Variants in SAMD7 observed in about 807,000 individuals in gnomAD.
The protein encoded by SAMD7 is sterile alpha motif domain-containing protein 7.
SAMD7 carries 34 observed loss-of-function variants against 36.7 expected under a neutral mutation model. The observed-to-expected ratio is 0.93, with a 90% confidence interval of 0.71 to 1.23. The LOEUF (loss-of-function observed/expected upper bound fraction) is 1.23. SAMD7 is among the 50% of genes most tolerant of loss of function. The pLI is 0.00. For synonymous variants in SAMD7, 188 were observed against 189.7 expected, an observed-to-expected ratio of 0.99 and a Z score of 0.07; for missense variants, 570 against 546.6, an observed-to-expected ratio of 1.04 and a Z score of -0.43.
chr3:169,926,823 T>C lies in SAMD7; in HGVS notation c.561T>C (p.Asn187=), dbSNP rs751662393. The change falls in exon 6 of 9, where the codon AAT becomes AAC. Residue 187 remains asparagine, a synonymous_variant. Coordinates refer to ENST00000335556, the MANE Select transcript of SAMD7 (RefSeq NM_001304366.2). ...AGAGATGTCGTCGACTCAGGAAAAA[T>C]ACAGGGAATCAAAAAGCTCTAGACA... The part of the protein sequence containing the change: ...WGQRCRRLRK[N]TGNQKALDSD... The C allele has an allele frequency of 1.2e-6, 2 of 1,613,224 alleles. No individual in the cohort carries two copies. Among genetic ancestry groups the C allele is most frequent in the Admixed American group, 3.3e-5 (2 of 59,898 alleles).
intron 6 of SAMD7, 100 bp downstream of exon 6, chr3:169,927,281 CTTTCTT>C: frequency 1.3e-5 from 3 of 225,332 alleles, no homozygotes; most frequent in Non-Finnish European, 2.3e-5. Context: ...CTCTTTTTAT[CTTTCTT>C]TTTTTTTTTT....
In SAMD7 at chr3:169,921,323, A is replaced by G; in HGVS notation, c.196A>G (p.Ser66Gly). Reference protein sequence around the residue: ...PNTNMANVLSSRIYPGWGILP... With the variant: ...PNTNMANVLSGRIYPGWGILP... ...CACAAATATGGCAAATGTGTTGTCC[A>G]GTCGGATCTACCCAGGTATGAGCAA... The change falls in exon 4 of 9, where the codon AGT becomes GGT. Residue 66 changes from serine to glycine, a missense_variant. Transcript: ENST00000335556. 1 of 1,614,164 alleles carries G rather than the reference A, an allele frequency of 6.2e-7. No homozygotes were observed. Among genetic ancestry groups the G allele is most frequent in the South Asian group, 1.1e-5 (1 of 91,080 alleles).
intron 1 of SAMD7, among the ~76,000 whole-genome samples, chr3:169,912,203 T>C (rs192725487): frequency 1.1e-4 from 16 of 152,312 alleles, no homozygotes; most frequent in Admixed American, 9.2e-4. Context: ...TTATTTACTA[T>C]ATATTATTAT....
Position 169,916,287 on chromosome 3 carries a change from T to C in SAMD7, c.-42+846T>C, listed in dbSNP as rs575926729. On this transcript the variant is annotated intron_variant, in intron 2 of 8. Transcript: ENST00000335556. ...CTAGGGGGTGATGGAAGTGGAGAAC[T>C]GTTGTCCAATGGATAAAGTTTCTTT... 2.0e-5 allele frequency among the ~76,000 whole-genome samples: 3 copies of C among 152,282 alleles called. No individual in the cohort carries two copies. The South Asian group carries it at 6.2e-4, about 32-fold the overall frequency.
intron 7 of SAMD7, among the ~76,000 whole-genome samples, chr3:169,934,457 A>C (rs565498450): frequency 4.0e-4 from 61 of 152,328 alleles, no homozygotes; most frequent in African/African-American, 1.4e-3. Context: ...AAGAACAAAA[A>C]ATCAGATGAT....
intron 7 of SAMD7, chr3:169,932,527 A>G: frequency 9.0e-6 from 5 of 555,896 alleles, no homozygotes. Context: ...ATCTTCAGAC[A>G]GAGATCAAGC....
chr3:169,919,342 GCT>G, intron 2 of SAMD7, 114 bp from the exon 3 acceptor site: 3 of 629,592 alleles, frequency 4.8e-6, no homozygotes, highest in Admixed American at 2.8e-5. Context: ...GCTTGGTGTA[GCT>G]AGTCTTCCCA....
chr3:169,932,020 T>C (rs1713514399), intron 7 of SAMD7: 1 of 722,610 alleles, frequency 1.4e-6, no homozygotes, highest in Non-Finnish European at 2.1e-6. Context: ...CAGCGAGTCA[T>C]GCTGTTAGCA....
rs1713357134 is a variant in SAMD7 at position 169,928,350 on chromosome 3, G to A, written c.920-107G>A. The A allele has an allele frequency of 4.9e-6, 4 of 812,704 alleles. No homozygotes were observed. In the South Asian group the frequency reaches 7.9e-5, roughly 16 times the overall value. The allele number at this position is 812,704 out of a possible 1,614,324, so 50.3% of individuals were successfully genotyped here. ...CTAGTAATTCCTAATATCTTGTAAG[G>A]CGTTTGCAAATCAAGACCACTCTGG... On this transcript the variant is annotated intron_variant, in intron 6 of 8. Transcript: ENST00000335556.
chr3:169,919,575 C>T lies in SAMD7; in HGVS notation c.77C>T (p.Thr26Ile). The change falls in exon 3 of 9, where the codon ACT (threonine) becomes ATT (isoleucine). Residue 26 changes from threonine to isoleucine, a missense_variant. By Grantham distance (89) the Thr-to-Ile change is moderately conservative. Transcript: ENST00000335556. ...PLIPSPFGPPTVDRDVLPSTV... is the reference protein window; with the variant it reads ...PLIPSPFGPPIVDRDVLPSTV... ...ATCCCCTCACCATTTGGGCCTCCAA[C>T]TGTGGACAGGTATTTCTCTTCAATA... 4 of 1,610,612 alleles carry T rather than the reference C, an allele frequency of 2.5e-6. No individual in the cohort carries two copies. The highest frequency in any genetic ancestry group is 3.4e-6 in the Non-Finnish European group (4 of 1,176,768).
At position 169,925,234 on chromosome 3, in the gene SAMD7, T is replaced by C. The variant is rs1261632075; in HGVS notation, c.290+98T>C. The C allele has an allele frequency of 5.6e-6, 4 of 714,322 alleles. No homozygotes were observed. In the East Asian group the frequency reaches 8.6e-5, roughly 15 times the overall value. 44.2% of individuals were successfully genotyped at this position (714,322 alleles called of 1,614,324 possible). On this transcript the variant is annotated intron_variant, in intron 5 of 8. Coordinates refer to ENST00000335556, the MANE Select transcript of SAMD7 (RefSeq NM_001304366.2). ...TAACAAATGAATAGATGAATATATA[T>C]AACAAATAAATACACACACACAAAT...
intron 7 of SAMD7, among the ~76,000 whole-genome samples, chr3:169,935,745 T>C (rs78307180): frequency 0.014 from 2,143 of 152,296 alleles, 51 homozygotes; most frequent in African/African-American, 0.048. Flanking sequence ...CTGGAATCTT[T>C]GTCCACCAGC....
intron 2 of SAMD7, among the ~76,000 whole-genome samples, chr3:169,915,766 C>CG (rs1553756786): frequency 6.6e-6 from 1 of 151,426 alleles, no homozygotes; most frequent in Non-Finnish European, 1.5e-5. Flanking sequence ...TTAGTAGAGA[C>CG]GGGGTTTCAC....
chr3:169,937,948 A>T (rs976070976), intron 8 of SAMD7, among the ~76,000 whole-genome samples: 1 of 152,144 alleles, frequency 6.6e-6, no homozygotes, highest in Admixed American at 6.5e-5. Flanking sequence ...CTTCTGCTCA[A>T]GATTCTACAA....
At position 169,926,994 on chromosome 3, in the gene SAMD7, A is replaced by G. The variant is rs780894241; in HGVS notation, c.732A>G (p.Pro244=). 1 of 1,613,958 alleles carries G rather than the reference A, an allele frequency of 6.2e-7. No homozygotes were observed. Among genetic ancestry groups the G allele is most frequent in the South Asian group, 1.1e-5 (1 of 91,078 alleles). Residue 244 remains proline, a synonymous_variant, in exon 6 of 9, where the codon CCA becomes CCG. Coordinates refer to ENST00000335556, the MANE Select transcript of SAMD7 (RefSeq NM_001304366.2). ...AGTCAAGTGAAACGAATGAAAAGCCAACGACAGCTCTTGCCAACACCTGTG... is the reference window on the plus strand; with the variant it reads ...AGTCAAGTGAAACGAATGAAAAGCCGACGACAGCTCTTGCCAACACCTGTG... ...NQKSSETNEK[P]TTALANTCGE...
intron 7 of SAMD7, chr3:169,932,464 T>C (rs1161089206): frequency 1.7e-6 from 1 of 601,998 alleles, no homozygotes; most frequent in African/African-American, 1.8e-5. Context: ...GCCTTTCACT[T>C]GGACAGGATT....
At chr3:169,937,054 AATTT>A (rs1434216592) in intron 8 of SAMD7, among the ~76,000 whole-genome samples, 1 of 152,156 alleles carries the variant, frequency 6.6e-6, no homozygotes, top group Non-Finnish European at 1.5e-5. Context: ...TGTTGTACAT[AATTT>A]ATTTAATATG....
In SAMD7 at chr3:169,938,427, G is replaced by A; in HGVS notation, c.1262G>A (p.Trp421Ter). Residue 421 changes from tryptophan to a stop codon, truncating the protein, a stop_gained, in exon 9 of 9, where the codon TGG (tryptophan) becomes TAG (stop). Transcript: ENST00000335556. LOFTEE classifies it low-confidence loss of function (END_TRUNC). ...TCCCCTCTTCTGGATCCTAATTCCT[G>A]GAGTGATACAATGAACATTTTTTGT... ...DTSPLLDPNSWSDTMNIFCPQ... is the reference protein window; with the variant it reads ...DTSPLLDPNS 1 of 1,612,220 alleles carries A rather than the reference G, an allele frequency of 6.2e-7. No individual in the cohort carries two copies. The highest frequency in any genetic ancestry group is 8.5e-7 in the Non-Finnish European group (1 of 1,178,246).
chr3:169,917,668 G>A (rs1712867276), intron 2 of SAMD7, among the ~76,000 whole-genome samples: 1 of 123,158 alleles, frequency 8.1e-6, no homozygotes, highest in African/African-American at 2.6e-5. Context: ...TTGAGACGGA[G>A]TCTCGCTCTG....
Sources: gnomAD v4.1 joint callset for allele counts (sites outside exome capture counted in the v4.1 genomes callset) on GRCh38, gnomAD v4.1.1 for gene constraint, MANE v1.5 for transcripts, NCBI Gene and HGNC (gene_info 2026-07-23, HGNC 2026-07-21) for gene names.